The following CEP85L variants were observed in gnomAD, a reference collection of about 807,000 sequenced individuals.
CEP85L encodes the protein centrosomal protein 85L.
A neutral mutation model predicts 100.3 loss-of-function variants in CEP85L; 60 were observed. The ratio of observed to expected loss-of-function variants is 0.60; its 90% confidence interval spans 0.49 to 0.74. The LOEUF is 0.74. Among genes scored for constraint, CEP85L ranks in the 30% least tolerant of loss-of-function variants. The pLI is 0.00. For synonymous variants in CEP85L, 319 were observed against 322.7 expected (o/e 0.99, Z 0.12); for missense variants, 973 against 936.2 (o/e 1.04, Z -0.51).
upstream of CEP85L, among the ~76,000 whole-genome samples, chr6:118,652,202 C>A (rs1775610548): frequency 6.6e-6 from 1 of 152,070 alleles, no homozygotes; most frequent in African/African-American, 2.4e-5. Context: ...TCATTGTAAT[C>A]GCACAACGTT....
intron 2 of CEP85L, among the ~76,000 whole-genome samples, chr6:118,583,803 G>A (rs960756575): frequency 1.3e-5 from 2 of 152,162 alleles, no homozygotes; most frequent in African/African-American, 4.8e-5. Context: ...GAAACCCAAT[G>A]GGGAATGAAG....
At chr6:118,495,350 C>A (rs1003509501) in intron 5 of CEP85L, among the ~76,000 whole-genome samples, 1 of 152,040 alleles carries the variant, frequency 6.6e-6, no homozygotes, top group Non-Finnish European at 1.5e-5. Context: ...TTCCAATAAT[C>A]CCTATATGTT....
intron 1 of CEP85L, among the ~76,000 whole-genome samples, chr6:118,649,906 A>T (rs183438819): frequency 1.3e-5 from 2 of 152,346 alleles, no homozygotes; most frequent in Non-Finnish European, 2.9e-5. Context: ...TAAAATGTAC[A>T]TATGTCTTTT....
chr6:118,486,591 T>C (rs1039231810), intron 6 of CEP85L, among the ~76,000 whole-genome samples: 2 of 152,208 alleles, frequency 1.3e-5, no homozygotes, highest in Admixed American at 1.3e-4. Context: ...TGATTTGTTA[T>C]CAAGGAGCCT....
chr6:118,622,323 G>A (rs1773502410), intron 2 of CEP85L, among the ~76,000 whole-genome samples: 1 of 152,174 alleles, frequency 6.6e-6, no homozygotes, highest in Non-Finnish European at 1.5e-5. Context: ...TTTCAAATAT[G>A]CACATGTGCA....
At chr6:118,670,603 G>A (rs116314492) in intron 1 of CEP85L, among the ~76,000 whole-genome samples, 6,585 of 151,660 alleles carry the variant, frequency 0.043, 167 homozygotes, top group Admixed American at 0.055. Flanking sequence ...TTTTGCTTCT[G>A]TAATCTCCTG....
At chr6:118,488,317 C>T (rs181120009) in intron 6 of CEP85L, among the ~76,000 whole-genome samples, 183 of 151,800 alleles carry the variant, frequency 1.2e-3, no homozygotes, top group African/African-American at 4.2e-3. Flanking sequence ...AATGCATGAA[C>T]AAAGTAAAAT....
chr6:118,634,479 T>C (rs971335451), intron 1 of CEP85L, among the ~76,000 whole-genome samples: 1 of 152,186 alleles, frequency 6.6e-6, no homozygotes, highest in African/African-American at 2.4e-5. Context: ...ATAAAGTATA[T>C]AAGCAGCCTT....
Position 118,700,998 on chromosome 6 carries a change from G to C in CEP85L, c.-28+9038C>G, listed in dbSNP as rs189402007. On this transcript the variant is annotated intron_variant, in intron 1 of 13. Transcript: ENST00000368488. Reference sequence around the variant, plus strand: ...AGGAGGGAATCCCTCTTGGTTGTTAGGGTGGCCACCAGAGCATAACGCTTC... The same window carrying C: ...AGGAGGGAATCCCTCTTGGTTGTTACGGTGGCCACCAGAGCATAACGCTTC... Among the ~76,000 whole-genome samples the C allele has an allele frequency of 7.8e-4, 119 of 152,258 alleles. No individual in the cohort carries two copies. The Middle Eastern group carries it at 0.014, about 17-fold the overall frequency.
At chr6:118,683,385 C>A (rs1776730406) in intron 1 of CEP85L, among the ~76,000 whole-genome samples, 1 of 152,092 alleles carries the variant, frequency 6.6e-6, no homozygotes, top group Admixed American at 6.6e-5. Context: ...AAGATATGAA[C>A]CATAAACATT....
intron 1 of CEP85L, among the ~76,000 whole-genome samples, chr6:118,703,116 A>G (rs1435391642): frequency 6.6e-6 from 1 of 152,174 alleles, no homozygotes; most frequent in Non-Finnish European, 1.5e-5. Flanking sequence ...ACTTCTGAAT[A>G]AGACCTCAAG....
intron 1 of CEP85L, among the ~76,000 whole-genome samples, chr6:118,650,609 C>G (rs1279070267): frequency 6.6e-6 from 1 of 152,148 alleles, no homozygotes; most frequent in Admixed American, 6.5e-5. Flanking sequence ...CAGGTTCCTC[C>G]GAGGGGCTGA....
chr6:118,508,767 TTTTC>T (rs964222959), intron 5 of CEP85L, among the ~76,000 whole-genome samples: 169 of 152,228 alleles, frequency 1.1e-3, no homozygotes, highest in African/African-American at 3.9e-3. Context: ...AAAAGCATAA[TTTTC>T]TTTGTCTAGT....
At chr6:118,523,721 T>C (rs749297820) in intron 4 of CEP85L, 81 bp downstream of exon 4, 8 of 637,218 alleles carry the variant, frequency 1.3e-5, no homozygotes, top group South Asian at 4.2e-5. Context: ...TTAAATTCTA[T>C]GTAGTGGACA....
chr6:118,477,831 T>C (rs1773498097), intron 10 of CEP85L, among the ~76,000 whole-genome samples: 1 of 152,114 alleles, frequency 6.6e-6, no homozygotes, highest in Admixed American at 6.6e-5. Context: ...AATACTATAG[T>C]GATAGTCAAA....
At chr6:118,667,324 C>G (rs1562349451) in intron 1 of CEP85L, among the ~76,000 whole-genome samples, 1 of 152,140 alleles carries the variant, frequency 6.6e-6, no homozygotes, top group Non-Finnish European at 1.5e-5. Context: ...TTTTTACACT[C>G]TAAGTGCTGC....
At chr6:118,579,157 T>A (rs553107267) in intron 2 of CEP85L, among the ~76,000 whole-genome samples, 39 of 152,194 alleles carry the variant, frequency 2.6e-4, no homozygotes, top group African/African-American at 9.2e-4. Flanking sequence ...TGGCTTCCCA[T>A]AGTGTTGGGA....
chr6:118,512,366 C>T (rs1454714797), intron 4 of CEP85L, among the ~76,000 whole-genome samples: 1 of 151,806 alleles, frequency 6.6e-6, no homozygotes, highest in East Asian at 1.9e-4. Context: ...GGAAGGGCAA[C>T]CAAAAAAAAT....
intron 1 of CEP85L, among the ~76,000 whole-genome samples, chr6:118,666,718 A>AGT (rs1776143917): frequency 6.6e-6 from 1 of 152,108 alleles, no homozygotes; most frequent in Non-Finnish European, 1.5e-5. Flanking sequence ...ACATTCTTTC[A>AGT]GTGGCTGAAA....
Sources: allele counts gnomAD v4.1 joint callset (sites outside exome capture counted in the v4.1 genomes callset), GRCh38; gene constraint gnomAD v4.1.1; transcripts MANE v1.5; gene names NCBI Gene and HGNC (gene_info 2026-07-23, HGNC 2026-07-21).